The following DOCK11 variants were observed in gnomAD, a reference collection of about 807,000 sequenced individuals.
DOCK11 encodes dedicator of cytokinesis 11.
DOCK11 carries 70 observed loss-of-function variants against 169.1 expected under a neutral mutation model. That is an observed-to-expected ratio of 0.41 (90% CI 0.34 to 0.51). DOCK11 has a LOEUF of 0.51. Among genes scored for constraint, DOCK11 ranks in the 20% least tolerant of loss-of-function variants. The pLI is 0.10. For missense variants in DOCK11, 1,166 were observed against 1,538.8 expected (o/e 0.76, Z 4.05); for synonymous variants, 529 against 541.3 (o/e 0.98, Z 0.32).
intron 11 of DOCK11, 64 bp downstream of exon 11, chrX:118,572,527 A>G: frequency 9.4e-7 from 1 of 1,067,199 alleles, no homozygotes; most frequent in Non-Finnish European, 1.3e-6. Context: ...CTTTCTCAAA[A>G]TAATTTGTAC....
chrX:118,545,896 G>A (rs887541775), intron 5 of DOCK11, 125 bp from the exon 6 acceptor site: 9 of 460,976 alleles, frequency 2.0e-5, no homozygotes, highest in East Asian at 7.2e-5. Flanking sequence ...AAATCCTCAC[G>A]GGGAAGAGGG....
chrX:118,628,309 CA>C (rs2015157945), intron 34 of DOCK11, 37 bp downstream of exon 34: 5 of 954,134 alleles, frequency 5.2e-6, no homozygotes, highest in Middle Eastern at 5.3e-4. Flanking sequence ...CCTAGTGACA[CA>C]TTAGCCTGCA....
chrX:118,584,845 C>A lies in DOCK11; in HGVS notation c.1706C>A (p.Ser569Ter). 1 of 1,195,277 alleles carries A rather than the reference C, an allele frequency of 8.4e-7. No individual in the cohort carries two copies. The highest frequency in any genetic ancestry group is 1.1e-6 in the Non-Finnish European group (1 of 888,491). Residue 569 changes from serine to a stop codon, truncating the protein, a stop_gained, in exon 15 of 53, where the codon TCA (serine) becomes TAA (stop). Transcript: ENST00000276202. LOFTEE classifies it high-confidence loss of function. ...LSSEDILKLL[S>*]EYKKPEKTKL... ...AGTGAAGACATTCTCAAGTTGCTCT[C>A]AGAATATAAGAAGTAAGTGTTTGGT...
chrX:118,518,050 TA>T (rs2057700634), intron 1 of DOCK11, among the ~76,000 whole-genome samples: 2 of 112,141 alleles, frequency 1.8e-5, no homozygotes, highest in Admixed American at 9.6e-5. Flanking sequence ...TAGAGGGACT[TA>T]AATTTCAAGT....
intron 46 of DOCK11, among the ~76,000 whole-genome samples, chrX:118,673,960 T>C (rs1340317418): frequency 1.8e-5 from 2 of 111,816 alleles, no homozygotes; most frequent in African/African-American, 3.3e-5. Context: ...TTGAGCATGG[T>C]CATGGTGCTC....
chrX:118,644,317 C>G (rs2015604001), intron 40 of DOCK11, among the ~76,000 whole-genome samples: 1 of 111,995 alleles, frequency 8.9e-6, no homozygotes, highest in Admixed American at 9.5e-5. Flanking sequence ...AATAGGCTAG[C>G]TAAGCTTTGA....
Position 118,680,591 on chromosome X carries a change from A to G in DOCK11, c.5570A>G (p.Asn1857Ser). ...GAAAGGAAGACCGAGTTTGAAAGAAATCATAATATCAGCAGATTTGTTTTT... is the reference window on the plus strand; with the variant it reads ...GAAAGGAAGACCGAGTTTGAAAGAAGTCATAATATCAGCAGATTTGTTTTT... Reference protein sequence around the residue: ...LTERKTEFERNHNISRFVFEA... With the variant: ...LTERKTEFERSHNISRFVFEA... Residue 1857 changes from asparagine (N) to serine (S), a missense_variant, in exon 49 of 53, where the codon AAT (asparagine) becomes AGT (serine). Physicochemically the swap from Asn to Ser is conservative, Grantham distance 46. Coordinates refer to ENST00000276202, the MANE Select transcript of DOCK11 (RefSeq NM_144658.4). 6 of 1,210,956 alleles carry G rather than the reference A, an allele frequency of 5.0e-6. No individual in the cohort carries two copies. The highest frequency in any genetic ancestry group is 6.7e-6 in the Non-Finnish European group (6 of 894,801).
At position 118,572,489 on chromosome X, in the gene DOCK11, C is replaced by G. The variant is rs191665381; in HGVS notation, c.1176+26C>G. On this transcript the variant is annotated intron_variant, in intron 11 of 52. Coordinates refer to ENST00000276202, the MANE Select transcript of DOCK11 (RefSeq NM_144658.4). The stretch of plus-strand genomic sequence containing the variant: ...GTATGTATGACTTTGCCTTCTACCC[C>G]CCTTGCATCAGTGCATTAAAGAAAT... The G allele has an allele frequency of 5.1e-5, 59 of 1,161,599 alleles. No homozygotes were observed. In the African/African-American group the frequency reaches 8.7e-4, roughly 17 times the overall value.
chrX:118,617,130 G>A (rs187649938), intron 30 of DOCK11, among the ~76,000 whole-genome samples: 2 of 111,493 alleles, frequency 1.8e-5, no homozygotes, highest in African/African-American at 6.5e-5. Context: ...ATAATCCTTC[G>A]GCTTCATGGC....
chrX:118,614,622 C>A, intron 28 of DOCK11, 70 bp from the exon 29 acceptor site: 1 of 809,725 alleles, frequency 1.2e-6, no homozygotes, highest in Non-Finnish European at 1.8e-6. Flanking sequence ...ATTTTTAAAA[C>A]TTTACATTTT....
chrX:118,518,077 G>A (rs1376907440), intron 1 of DOCK11, among the ~76,000 whole-genome samples: 1 of 111,878 alleles, frequency 8.9e-6, no homozygotes, highest in Non-Finnish European at 1.9e-5. Context: ...TAATTAATTT[G>A]CATTGAAATT....
chrX:118,670,665 G>T (rs2016447535), intron 45 of DOCK11, among the ~76,000 whole-genome samples: 1 of 111,619 alleles, frequency 9.0e-6, no homozygotes, highest in South Asian at 3.7e-4. Context: ...AATAATAGAT[G>T]TTAGACATTC....
Position 118,643,504 on chromosome X carries a change from G to A in DOCK11, c.4308G>A (p.Val1436=). 8.3e-7 allele frequency: 1 copy of A among 1,208,124 alleles called. No individual in the cohort carries two copies. Among genetic ancestry groups the A allele is most frequent in the Middle Eastern group, 2.3e-4 (1 of 4,270 alleles). ...NDGHNPLMKK[V]FDIHLAFLKN... ...GCCATAACCCATTAATGAAAAAAGT[G>A]TTTGATATACATCTTGCTTTTCTTA... Residue 1436 remains valine, a synonymous_variant, in exon 40 of 53, where the codon GTG becomes GTA. Transcript: ENST00000276202.
intron 1 of DOCK11, among the ~76,000 whole-genome samples, chrX:118,496,973 G>C (rs774055036): frequency 1.8e-5 from 2 of 112,412 alleles, no homozygotes; most frequent in Admixed American, 1.9e-4. Context: ...TCTGACTCTG[G>C]AGAAAGGCTA....
At chrX:118,615,296 G>A (rs938292253) in intron 29 of DOCK11, among the ~76,000 whole-genome samples, 1 of 112,319 alleles carries the variant, frequency 8.9e-6, no homozygotes, top group Non-Finnish European at 1.9e-5. Flanking sequence ...GGAAAGCAAA[G>A]CAGGTGTTCA....
chrX:118,555,837 C>A (rs2012667442), intron 6 of DOCK11, among the ~76,000 whole-genome samples: 1 of 110,346 alleles, frequency 9.1e-6, no homozygotes, highest in African/African-American at 3.3e-5. Flanking sequence ...TGTGTTCTGT[C>A]TGAGACATTA....
At chrX:118,603,905 C>T (rs182591366) in intron 23 of DOCK11, among the ~76,000 whole-genome samples, 52 of 112,181 alleles carry the variant, frequency 4.6e-4, no homozygotes, top group African/African-American at 1.5e-3. Flanking sequence ...CCAGTTTGGC[C>T]TTGTAGAGAA....
At position 118,584,792 on chromosome X, in the gene DOCK11, G is replaced by T; in HGVS notation, c.1653G>T (p.Leu551=). 1 of 1,202,504 alleles carries T rather than the reference G, an allele frequency of 8.3e-7. No homozygotes were observed. Among genetic ancestry groups the T allele is most frequent in the Non-Finnish European group, 1.1e-6 (1 of 890,673 alleles). Residue 551 remains leucine (L), a synonymous_variant, in exon 15 of 53, where the codon CTG becomes CTT. Coordinates refer to ENST00000276202, the MANE Select transcript of DOCK11 (RefSeq NM_144658.4). ...SLDLDGRFSP[L]YKQDSSKLSS... ...ATCTGGATGGGAGATTTTCTCCTCTGTATAAACAAGACAGTAGCAAGCTTT... is the reference window on the plus strand; with the variant it reads ...ATCTGGATGGGAGATTTTCTCCTCTTTATAAACAAGACAGTAGCAAGCTTT...
At chrX:118,669,275 G>A (rs2016410954) in intron 45 of DOCK11, among the ~76,000 whole-genome samples, 1 of 111,880 alleles carries the variant, frequency 8.9e-6, no homozygotes, top group South Asian at 3.7e-4. Flanking sequence ...AAACTGGCAG[G>A]ACTTGGTGAT....
Sources: allele counts gnomAD v4.1 joint callset (sites outside exome capture counted in the v4.1 genomes callset), GRCh38; gene constraint gnomAD v4.1.1; transcripts MANE v1.5; gene names NCBI Gene and HGNC (gene_info 2026-07-23, HGNC 2026-07-21).